PPFIA2: variants seen among roughly 807,000 people sequenced by gnomAD.
The protein encoded by PPFIA2 is PPFI scaffold protein A2.
PPFIA2 carries 46 observed loss-of-function variants against 175.5 expected under a neutral mutation model. The ratio of observed to expected loss-of-function variants is 0.26; its 90% CI spans 0.21 to 0.34. PPFIA2 has a LOEUF of 0.34. Ranked by LOEUF, PPFIA2 falls within the 10% of genes least tolerant of loss-of-function variation. The probability of loss-of-function intolerance (pLI) is 1.00; values close to 1 mark genes in which losing one functional copy is unlikely to be tolerated. For synonymous variants in PPFIA2, 568 were observed against 511.4 expected, an observed-to-expected ratio of 1.11 and a Z score of -1.49; for missense variants, 1,179 against 1,506.1, an observed-to-expected ratio of 0.78 and a Z score of 3.60.
At chr12:81,552,318 T>C (rs1237566313) in intron 4 of PPFIA2, among the ~76,000 whole-genome samples, 1 of 151,888 alleles carries the variant, frequency 6.6e-6, no homozygotes, top group Non-Finnish European at 1.5e-5. Flanking sequence ...TATTTCATAT[T>C]ACATTGTGTC....
chr12:81,379,069 G>C (rs142389636), intron 9 of PPFIA2, among the ~76,000 whole-genome samples: 5 of 152,180 alleles, frequency 3.3e-5, no homozygotes, highest in African/African-American at 1.2e-4. Flanking sequence ...AGGAATTTTT[G>C]CATTTTGTAA....
rs191151122 is a variant in PPFIA2 at position 81,447,094 on chromosome 12, C to T, written c.406-1374G>A. Among the ~76,000 whole-genome samples, 51 of 152,020 alleles carry T rather than the reference C, an allele frequency of 3.4e-4. 2 individuals are homozygous for T. The highest frequency in any genetic ancestry group is 1.0e-3 in the African/African-American group (43 of 41,472). ...CAGGCAGATCACGAGGTCAGGAGAT[C>T]GAGACCATCCTGGCTAACACAGTGA... On this transcript the variant is annotated intron_variant, in intron 5 of 32. Transcript: ENST00000549396.
intron 4 of PPFIA2, chr12:81,471,454 G>A (rs1358800223): frequency 1.3e-5 from 2 of 149,622 alleles, no homozygotes; most frequent in African/African-American, 4.9e-5. Context: ...ATGAGCCACA[G>A]TGCCTGGCTT....
intron 3 of PPFIA2, among the ~76,000 whole-genome samples, chr12:81,725,730 C>T (rs775132480): frequency 3.3e-5 from 5 of 150,446 alleles, no homozygotes; most frequent in Non-Finnish European, 6.0e-5. Context: ...TTGAAAGAAA[C>T]AAGCACAGAC....
chr12:81,617,583 T>C (rs2061537744), intron 4 of PPFIA2, among the ~76,000 whole-genome samples: 1 of 152,180 alleles, frequency 6.6e-6, no homozygotes, highest in Non-Finnish European at 1.5e-5. Context: ...TCCAATAGTT[T>C]CCTGTCACAT....
intron 4 of PPFIA2, among the ~76,000 whole-genome samples, chr12:81,531,298 A>G (rs1260187889): frequency 6.6e-6 from 1 of 151,918 alleles, no homozygotes; most frequent in African/African-American, 2.4e-5. Flanking sequence ...ATGAATGATA[A>G]TATCCCTGCC....
At chr12:81,350,472 G>A (rs987526998) in intron 17 of PPFIA2, 1 of 152,194 alleles carries the variant, frequency 6.6e-6, no homozygotes, top group African/African-American at 2.4e-5. Flanking sequence ...TGTCCATGGT[G>A]AGTAAGGGTA....
intron 4 of PPFIA2, among the ~76,000 whole-genome samples, chr12:81,507,183 A>C (rs948916444): frequency 1.3e-5 from 2 of 152,206 alleles, no homozygotes; most frequent in African/African-American, 4.8e-5. Flanking sequence ...TATTTTTAAC[A>C]CAAGCTATCA....
At chr12:81,640,873 T>C (rs1374984064) in intron 4 of PPFIA2, among the ~76,000 whole-genome samples, 1 of 152,140 alleles carries the variant, frequency 6.6e-6, no homozygotes, top group Non-Finnish European at 1.5e-5. Flanking sequence ...TTACAGTTTT[T>C]TTTTGCAAAT....
In PPFIA2 at chr12:81,676,775, G is replaced by T; in HGVS notation, c.303+16C>A. On this transcript the variant is annotated intron_variant, in intron 4 of 32. Coordinates refer to ENST00000549396, the MANE Select transcript of PPFIA2 (RefSeq NM_003625.5). ...CAATTCATCAATAGTTAAATTTAATGAAGAATCTAACTTACCGGTGGATCA... is the reference window on the plus strand; with the variant it reads ...CAATTCATCAATAGTTAAATTTAATTAAGAATCTAACTTACCGGTGGATCA... The T allele has an allele frequency of 6.5e-7, 1 of 1,531,812 alleles. No individual in the cohort carries two copies. Among genetic ancestry groups the T allele is most frequent in the Non-Finnish European group, 8.8e-7 (1 of 1,132,722 alleles). The allele number at this position is 1,531,812 out of a possible 1,614,324, so 94.9% of individuals were successfully genotyped here.
intron 22 of PPFIA2, among the ~76,000 whole-genome samples, chr12:81,307,195 AGT>A (rs1354905025): frequency 1.3e-5 from 2 of 152,174 alleles, no homozygotes; most frequent in African/African-American, 4.8e-5. Context: ...GGAAGCCTGT[AGT>A]GTCAATCTCA....
chr12:81,666,668 G>A (rs1161785016), intron 4 of PPFIA2, among the ~76,000 whole-genome samples: 2 of 152,034 alleles, frequency 1.3e-5, no homozygotes, highest in African/African-American at 4.8e-5. Context: ...GTTAATTGAC[G>A]AGTTACTGGG....
At chr12:81,697,869 A>C (rs1421986955) in intron 3 of PPFIA2, among the ~76,000 whole-genome samples, 2 of 152,134 alleles carry the variant, frequency 1.3e-5, no homozygotes, top group African/African-American at 4.8e-5. Context: ...TCAGGCTAGA[A>C]TGATCAATCA....
chr12:81,681,055 A>G (rs2153575921), intron 3 of PPFIA2, among the ~76,000 whole-genome samples: 1 of 152,074 alleles, frequency 6.6e-6, no homozygotes, highest in South Asian at 2.1e-4. Context: ...TGTGTAAGTA[A>G]CAAACATAAA....
intron 9 of PPFIA2, among the ~76,000 whole-genome samples, chr12:81,381,335 A>G (rs1351981242): frequency 6.6e-6 from 1 of 152,116 alleles, no homozygotes; most frequent in African/African-American, 2.4e-5. Context: ...GCATCATAGG[A>G]GTGACATTTT....
rs374419703 is a variant in PPFIA2, at chr12:81,695,043, T to A, written c.250-18199A>T. Among the ~76,000 whole-genome samples the A allele has an allele frequency of 4.6e-5, 7 of 152,272 alleles. No individual in the cohort carries two copies. The East Asian group carries it at 1.2e-3, about 25-fold the overall frequency. Reference sequence around the variant, plus strand: ...GCCTAATGCCTATAACTGCATTGAATCTTGGAAATAACTAATTTGTTTTTT... The same window carrying A: ...GCCTAATGCCTATAACTGCATTGAAACTTGGAAATAACTAATTTGTTTTTT... On this transcript the variant is annotated intron_variant, in intron 3 of 32. Transcript: ENST00000549396.
At chr12:81,671,334 C>T (rs1045078516) in intron 4 of PPFIA2, among the ~76,000 whole-genome samples, 4 of 151,910 alleles carry the variant, frequency 2.6e-5, no homozygotes, top group African/African-American at 9.7e-5. Flanking sequence ...CTTCTCCATT[C>T]TTGTTGTCAC....
intron 4 of PPFIA2, among the ~76,000 whole-genome samples, chr12:81,586,688 G>T (rs1009112551): frequency 6.6e-6 from 1 of 151,644 alleles, no homozygotes; most frequent in African/African-American, 2.4e-5. Flanking sequence ...TTAGCATTCT[G>T]AAAATTTATA....
At chr12:81,518,562 C>G (rs2147991629) in intron 4 of PPFIA2, among the ~76,000 whole-genome samples, 1 of 152,162 alleles carries the variant, frequency 6.6e-6, no homozygotes, top group African/African-American at 2.4e-5. Context: ...CTTCACCTTT[C>G]TAAGCATTTA....
Sources: gnomAD v4.1 joint callset for allele counts (sites outside exome capture counted in the v4.1 genomes callset) on GRCh38, gnomAD v4.1.1 for gene constraint, MANE v1.5 for transcripts, NCBI Gene and HGNC (gene_info 2026-07-23, HGNC 2026-07-21) for gene names.